PAK5: variants seen among roughly 807,000 people sequenced by gnomAD.
PAK5 encodes the protein p21 (RAC1) activated kinase 5, also known as serine/threonine-protein kinase PAK 5.
A neutral mutation model predicts 65.9 loss-of-function variants in PAK5; 16 were observed. That is an observed-to-expected ratio of 0.24 (90% CI 0.16 to 0.37). The LOEUF (loss-of-function observed/expected upper bound fraction) is 0.37. PAK5 is among the 10% of genes least tolerant of loss of function. The pLI is 1.00. For synonymous variants in PAK5, 371 were observed against 354.9 expected (o/e 1.05, Z -0.51); for missense variants, 785 against 903.9 (o/e 0.87, Z 1.69).
chr20:9,765,116 A>G (rs2048742699), intron 1 of PAK5, among the ~76,000 whole-genome samples: 2 of 152,164 alleles, frequency 1.3e-5, no homozygotes, highest in Admixed American at 1.3e-4. Flanking sequence ...CCATAACATG[A>G]TGCTGTCCGG....
At chr20:9,775,629 T>C (rs1015212394) in intron 1 of PAK5, among the ~76,000 whole-genome samples, 2 of 152,250 alleles carry the variant, frequency 1.3e-5, no homozygotes, top group African/African-American at 4.8e-5. Flanking sequence ...GCAAATGTAT[T>C]AATGCACCTT....
At chr20:9,725,339 AAG>A (rs34101123) in intron 1 of PAK5, among the ~76,000 whole-genome samples, 72,799 of 151,856 alleles carry the variant, frequency 0.48, 17,584 homozygotes, top group South Asian at 0.63. Flanking sequence ...TTATTAAAAC[AAG>A]AGAGAAATTA....
chr20:9,771,789 A>C (rs6056856), intron 1 of PAK5, among the ~76,000 whole-genome samples: 7 of 151,804 alleles, frequency 4.6e-5, no homozygotes, highest in Non-Finnish European at 1.0e-4. Flanking sequence ...CTGTAATATC[A>C]ACACTTTGGG....
intron 2 of PAK5, among the ~76,000 whole-genome samples, chr20:9,670,779 T>C (rs2047486041): frequency 6.6e-6 from 1 of 152,214 alleles, no homozygotes; most frequent in African/African-American, 2.4e-5. Flanking sequence ...TTAGTTTAAT[T>C]AGATCCCATT....
intron 1 of PAK5, among the ~76,000 whole-genome samples, chr20:9,756,794 C>G (rs1158388937): frequency 6.6e-6 from 1 of 151,940 alleles, no homozygotes; most frequent in African/African-American, 2.4e-5. Flanking sequence ...GGCATGTCCT[C>G]TCTCTACACA....
At chr20:9,766,245 T>A (rs541944838) in intron 1 of PAK5, among the ~76,000 whole-genome samples, 135 of 38,772 alleles carry the variant, frequency 3.5e-3, no homozygotes, top group Middle Eastern at 0.012. Flanking sequence ...AAGAAAAAAA[T>A]ATATATATAT....
At position 9,644,207 on chromosome 20, in the gene PAK5, C is replaced by T; in HGVS notation, c.122G>A (p.Ser41Asn). The T allele has an allele frequency of 6.2e-7, 1 of 1,610,156 alleles. No individual in the cohort carries two copies. The highest frequency in any genetic ancestry group is 1.1e-5 in the South Asian group (1 of 90,268). The change falls in exon 3 of 10, where the codon AGC becomes AAC. Residue 41 changes from serine (S) to asparagine (N), a missense_variant. Transcript: ENST00000353224. ...CCTGTTGGCCGTATCTGCTAACAGG[C>T]TGTGCCACTGCTGGGGAAGGCCGGT... ...KFTGLPQQWHSLLADTANRPK... is the reference protein window; with the variant it reads ...KFTGLPQQWHNLLADTANRPK...
chr20:9,618,394 G>A (rs922029201), intron 3 of PAK5, among the ~76,000 whole-genome samples: 3 of 150,994 alleles, frequency 2.0e-5, no homozygotes, highest in South Asian at 2.1e-4. Context: ...AGACTATTAC[G>A]GCCTGGAACT....
At chr20:9,599,011 C>T (rs1350656858) in intron 3 of PAK5, among the ~76,000 whole-genome samples, 2 of 152,066 alleles carry the variant, frequency 1.3e-5, no homozygotes, top group Non-Finnish European at 2.9e-5. Flanking sequence ...AACTTTGTAC[C>T]CATTAAACAA....
In PAK5 at chr20:9,589,485, G is replaced by A. The variant is rs1408383077; in HGVS notation, c.205-8555C>T. 4.6e-5 allele frequency among the ~76,000 whole-genome samples: 7 copies of A among 151,942 alleles called. No individual in the cohort carries two copies. In the South Asian group the frequency reaches 1.0e-3, roughly 23 times the overall value. The stretch of plus-strand genomic sequence containing the variant: ...GTTCTCTACATATACCTTTTATTTG[G>A]TAACAACAGTGGTTGGGGCTAATTG... On this transcript the variant is annotated intron_variant, in intron 3 of 9. Coordinates refer to ENST00000353224, the MANE Select transcript of PAK5 (RefSeq NM_177990.4).
intron 1 of PAK5, among the ~76,000 whole-genome samples, chr20:9,794,415 ATC>A (rs1403894576): frequency 6.6e-6 from 1 of 152,096 alleles, no homozygotes; most frequent in African/African-American, 2.4e-5. Flanking sequence ...AAATCATTGA[ATC>A]TCTCTGCATA....
At chr20:9,804,294 C>A (rs896226943) in intron 1 of PAK5, among the ~76,000 whole-genome samples, 2 of 152,174 alleles carry the variant, frequency 1.3e-5, no homozygotes, top group African/African-American at 4.8e-5. Flanking sequence ...AACTTACTGA[C>A]TCTCCAAGAT....
intron 3 of PAK5, among the ~76,000 whole-genome samples, chr20:9,586,422 G>C (rs1462365212): frequency 1.3e-5 from 2 of 151,932 alleles, no homozygotes; most frequent in Non-Finnish European, 2.9e-5. Context: ...TCATTTTTGA[G>C]AAATACTGAA....
chr20:9,558,043 T>TATTTATTTATTTATTCATTCATTC lies in PAK5; in HGVS notation c.1617-310_1617-309insGAATGAATGAATAAATAAATAAAT, dbSNP rs55861453. Reference sequence around the variant, plus strand: ...TTATTTATTTATTTATTTATTTATTTATTCATTCATTCATTCATTCATTCA... The same window carrying TATTTATTTATTTATTCATTCATTC: ...TTATTTATTTATTTATTTATTTATTTATTTATTTATTTATTCATTCATTCATTCATTCATTCATTCATTCATTCA... On this transcript the variant is annotated intron_variant, in intron 6 of 9. Transcript: ENST00000353224. Among the ~76,000 whole-genome samples the TATTTATTTATTTATTCATTCATTC allele has an allele frequency of 2.3e-3, 318 of 138,924 alleles. 5 individuals are homozygous for TATTTATTTATTTATTCATTCATTC. The highest frequency in any genetic ancestry group is 8.2e-3 in the African/African-American group (278 of 34,002). The allele number at this position is 138,924 out of a possible 152,430, so 91.1% of individuals were successfully genotyped here.
chr20:9,759,774 T>A (rs1475433374), intron 1 of PAK5, among the ~76,000 whole-genome samples: 1 of 152,176 alleles, frequency 6.6e-6, no homozygotes, highest in African/African-American at 2.4e-5. Context: ...AGGAAGAGAA[T>A]GTTGCCTGGT....
chr20:9,673,450 G>A (rs1011001206), intron 2 of PAK5, among the ~76,000 whole-genome samples: 3 of 152,184 alleles, frequency 2.0e-5, no homozygotes, highest in Non-Finnish European at 4.4e-5. Flanking sequence ...AAATGTGGCT[G>A]CTGAGACTGC....
intron 8 of PAK5, 110 bp downstream of exon 8, chr20:9,544,259 G>A: frequency 8.6e-7 from 1 of 1,162,578 alleles, no homozygotes; most frequent in East Asian, 2.4e-5. Context: ...GATCAAATGT[G>A]GAGCTAAAAG....
chr20:9,805,505 T>A (rs1433821912), intron 1 of PAK5, among the ~76,000 whole-genome samples: 1 of 152,196 alleles, frequency 6.6e-6, no homozygotes, highest in African/African-American at 2.4e-5. Flanking sequence ...ATAAACAAGA[T>A]GTGGTATATT....
chr20:9,724,187 A>C (rs1333012876), intron 1 of PAK5, among the ~76,000 whole-genome samples: 1 of 152,176 alleles, frequency 6.6e-6, no homozygotes, highest in South Asian at 2.1e-4. Context: ...GATCCAAAAA[A>C]ATTTTTTTTA....
Sources: allele counts gnomAD v4.1 joint callset (sites outside exome capture counted in the v4.1 genomes callset), GRCh38; gene constraint gnomAD v4.1.1; transcripts MANE v1.5; gene names NCBI Gene and HGNC (gene_info 2026-07-23, HGNC 2026-07-21).